Variants in NLGN1 observed in about 807,000 individuals in gnomAD.
NLGN1 encodes neuroligin 1, also known as neuroligin-1.
NLGN1 carries 12 observed loss-of-function variants against 65.5 expected under a neutral mutation model. That is an observed-to-expected ratio of 0.18 (90% CI 0.12 to 0.30). The LOEUF is 0.30. Among genes scored for constraint, NLGN1 ranks in the 10% least tolerant of loss-of-function variants. The pLI is 1.00. For synonymous variants in NLGN1, 350 were observed against 359.5 expected (o/e 0.97, Z 0.30); for missense variants, 750 against 1,007.1 (o/e 0.74, Z 3.46).
intron 4 of NLGN1, among the ~76,000 whole-genome samples, chr3:174,231,485 C>T (rs1740696185): frequency 1.3e-5 from 2 of 152,148 alleles, no homozygotes; most frequent in Admixed American, 6.5e-5. Context: ...GCTATTGTTA[C>T]AGGTGCATAC....
Position 173,836,873 on chromosome 3 carries a change from G to C in NLGN1, c.646+29041G>C, listed in dbSNP as rs1411322460. On this transcript the variant is annotated intron_variant, in intron 4 of 6. Transcript: ENST00000457714. ...CATTTCTTGTTTGGATTTTTCTAAG[G>C]CCATCAACAAAATGATAATGCTCAC... 3.3e-5 allele frequency among the ~76,000 whole-genome samples: 5 copies of C among 152,054 alleles called. No individual in the cohort carries two copies. In the East Asian group the frequency reaches 9.6e-4, roughly 29 times the overall value.
At chr3:173,926,527 G>A (rs996347712) in intron 4 of NLGN1, among the ~76,000 whole-genome samples, 2 of 152,150 alleles carry the variant, frequency 1.3e-5, no homozygotes, top group Admixed American at 6.5e-5. Context: ...CAAACCTACC[G>A]GTGTATACAT....
At chr3:173,500,881 C>T (rs773690399) in intron 2 of NLGN1, among the ~76,000 whole-genome samples, 49 of 151,758 alleles carry the variant, frequency 3.2e-4, no homozygotes, top group Non-Finnish European at 5.9e-4. Flanking sequence ...AATTGAGTAA[C>T]TGCTTTTATT....
At chr3:173,771,244 G>T (rs1779530755) in intron 3 of NLGN1, among the ~76,000 whole-genome samples, 1 of 152,048 alleles carries the variant, frequency 6.6e-6, no homozygotes, top group African/African-American at 2.4e-5. Context: ...GAGCACATGG[G>T]GAATGGTTAG....
At chr3:173,989,460 A>G in intron 4 of NLGN1, among the ~76,000 whole-genome samples, 1 of 152,156 alleles carries the variant, frequency 6.6e-6, no homozygotes, top group East Asian at 1.9e-4. Context: ...TTCTTTTTCT[A>G]TACTTCCATG....
chr3:173,840,124 G>A (rs1021053015), intron 4 of NLGN1, among the ~76,000 whole-genome samples: 2 of 152,164 alleles, frequency 1.3e-5, no homozygotes, highest in Admixed American at 6.5e-5. Context: ...TTATTGGACA[G>A]AGTCCTGATT....
At chr3:173,950,561 C>T (rs764866637) in intron 4 of NLGN1, among the ~76,000 whole-genome samples, 18 of 152,016 alleles carry the variant, frequency 1.2e-4, no homozygotes, top group Non-Finnish European at 1.8e-4. Context: ...GCCTGTAATC[C>T]GAGCACTTTG....
intron 3 of NLGN1, among the ~76,000 whole-genome samples, chr3:173,763,895 C>T (rs1778373311): frequency 6.6e-6 from 1 of 152,120 alleles, no homozygotes; most frequent in African/African-American, 2.4e-5. Context: ...TTTCACACAT[C>T]AAGCATACTC....
At chr3:174,072,271 A>G (rs1428307061) in intron 4 of NLGN1, among the ~76,000 whole-genome samples, 2 of 152,182 alleles carry the variant, frequency 1.3e-5, no homozygotes, top group Non-Finnish European at 2.9e-5. Flanking sequence ...AGTATGGTAC[A>G]AGAACTCCCC....
chr3:173,961,285 C>T (rs1039577040), intron 4 of NLGN1, among the ~76,000 whole-genome samples: 3 of 151,944 alleles, frequency 2.0e-5, no homozygotes, highest in Non-Finnish European at 4.4e-5. Context: ...GTAAATAAAA[C>T]GGTAGAAACA....
At position 173,970,879 on chromosome 3, in the gene NLGN1, G is replaced by A. The variant is rs16832406; in HGVS notation, c.646+163047G>A. On this transcript the variant is annotated intron_variant, in intron 4 of 6. Transcript: ENST00000457714. ...AAGACTGAATACTGGCAGTAATGGA[G>A]GAGTAGGGTGCTACTGGAGAATTCA... is the stretch of plus-strand genomic sequence containing the variant. 2.6e-3 allele frequency among the ~76,000 whole-genome samples: 393 copies of A among 152,260 alleles called. 7 individuals carry two copies. Among genetic ancestry groups the A allele is most frequent in the African/African-American group, 8.6e-3 (358 of 41,568 alleles).
chr3:173,777,511 G>A (rs895383600), intron 3 of NLGN1, among the ~76,000 whole-genome samples: 1 of 151,778 alleles, frequency 6.6e-6, no homozygotes, highest in Non-Finnish European at 1.5e-5. Flanking sequence ...TTTCCTTGTA[G>A]TGAGAACATT....
At chr3:173,545,320 C>T (rs1408565682) in intron 2 of NLGN1, among the ~76,000 whole-genome samples, 2 of 152,038 alleles carry the variant, frequency 1.3e-5, no homozygotes, top group Admixed American at 6.6e-5. Context: ...GTGATCCACC[C>T]ACCTAGACCT....
chr3:173,678,819 TGAGAAACATTGA>T (rs1161811347), intron 3 of NLGN1, among the ~76,000 whole-genome samples: 2 of 152,100 alleles, frequency 1.3e-5, no homozygotes, highest in African/African-American at 4.8e-5. Context: ...CTAATCTAGG[TGAGAAACATTGA>T]GAGCTTCCAC....
chr3:174,032,107 G>T (rs142726851), intron 4 of NLGN1, among the ~76,000 whole-genome samples: 6 of 152,214 alleles, frequency 3.9e-5, no homozygotes, highest in African/African-American at 1.2e-4. Flanking sequence ...AGAGTAAAGA[G>T]TAATTAGATA....
intron 4 of NLGN1, among the ~76,000 whole-genome samples, chr3:173,992,770 T>C (rs1201284866): frequency 6.6e-6 from 1 of 152,240 alleles, no homozygotes; most frequent in African/African-American, 2.4e-5. Flanking sequence ...AGCACACATA[T>C]AGTCTATAAG....
intron 4 of NLGN1, among the ~76,000 whole-genome samples, chr3:173,812,843 G>T (rs1258723541): frequency 6.7e-6 from 1 of 148,282 alleles, no homozygotes; most frequent in Non-Finnish European, 1.5e-5. Flanking sequence ...CATCAAATCA[G>T]TAACACTTGT....
At chr3:173,624,353 G>C (rs550123533) in intron 3 of NLGN1, among the ~76,000 whole-genome samples, 1 of 152,284 alleles carries the variant, frequency 6.6e-6, no homozygotes, top group South Asian at 2.1e-4. Context: ...TGAGTTTCAA[G>C]ACTTCACTTC....
chr3:173,716,968 C>T (rs537271805), intron 3 of NLGN1, among the ~76,000 whole-genome samples: 4 of 152,150 alleles, frequency 2.6e-5, no homozygotes, highest in Admixed American at 6.5e-5. Flanking sequence ...TTGATCCTAG[C>T]ACCTGAATTC....
Sources: allele counts gnomAD v4.1 joint callset (sites outside exome capture counted in the v4.1 genomes callset), GRCh38; gene constraint gnomAD v4.1.1; transcripts MANE v1.5; gene names NCBI Gene and HGNC (gene_info 2026-07-23, HGNC 2026-07-21).